TTC23: variants seen among roughly 807,000 people sequenced by gnomAD.
The protein encoded by TTC23 is tetratricopeptide repeat protein 23.
TTC23 carries 58 observed loss-of-function variants against 55.1 expected under a neutral mutation model. The ratio of observed to expected loss-of-function variants is 1.05; its 90% CI spans 0.85 to 1.31. The LOEUF is 1.31. Ranked by LOEUF, TTC23 falls within the 50% of genes most tolerant of loss-of-function variation. The pLI, the probability that TTC23 is intolerant of heterozygous loss-of-function variation, is 0.00. For missense variants in TTC23, 516 were observed against 534.4 expected, an observed-to-expected ratio of 0.97 and a Z score of 0.34; for synonymous variants, 203 against 199.9, an observed-to-expected ratio of 1.02 and a Z score of -0.13.
chr15:99,238,784 A>G (rs1050607208), intron 3 of TTC23, among the ~76,000 whole-genome samples: 1 of 152,212 alleles, frequency 6.6e-6, no homozygotes, highest in African/African-American at 2.4e-5. Context: ...CAAAAGGAGG[A>G]TTCTGTGATC....
At position 99,156,177 on chromosome 15, in the gene TTC23, G is replaced by A; in HGVS notation, c.1114C>T (p.His372Tyr). ...TTCAGTTTCTTGCGGGCCCCACTGTGGTTCCCCTGCGCCAGGTCTGCTCCT... is the reference window on the plus strand; with the variant it reads ...TTCAGTTTCTTGCGGGCCCCACTGTAGTTCCCCTGCGCCAGGTCTGCTCCT... ...LGGADLAQGN[H>Y]SGARKKLKKC... Residue 372 changes from histidine (H) to tyrosine (Y), a missense_variant, in exon 12 of 14, where the codon CAC (histidine) becomes TAC (tyrosine). Physicochemically the swap from His to Tyr is moderately conservative, Grantham distance 83. Transcript: ENST00000394132. 6.2e-7 allele frequency: 1 copy of A among 1,614,166 alleles called. No individual in the cohort carries two copies.
At chr15:99,213,872 T>C (rs1399637839) in intron 8 of TTC23, among the ~76,000 whole-genome samples, 3 of 152,266 alleles carry the variant, frequency 2.0e-5, no homozygotes, top group Admixed American at 6.5e-5. Context: ...TGTCTTTTGG[T>C]GAAAACATGC....
At chr15:99,194,036 G>C (rs1053052093) in intron 9 of TTC23, among the ~76,000 whole-genome samples, 1 of 151,888 alleles carries the variant, frequency 6.6e-6, no homozygotes, top group African/African-American at 2.4e-5. Context: ...TTTAATGTTT[G>C]AAACTTTTAC....
intron 10 of TTC23, among the ~76,000 whole-genome samples, chr15:99,165,400 G>A (rs1469346565): frequency 6.6e-6 from 1 of 152,330 alleles, no homozygotes; most frequent in Non-Finnish European, 1.5e-5. Context: ...TGTTAGAAAG[G>A]AGAGACGTAA....
intron 8 of TTC23, among the ~76,000 whole-genome samples, chr15:99,203,971 C>T (rs2076404450): frequency 6.6e-6 from 1 of 152,050 alleles, no homozygotes; most frequent in Non-Finnish European, 1.5e-5. Context: ...GCAGATATTT[C>T]TTTTGATATA....
At chr15:99,213,729 T>A (rs1307070444) in intron 8 of TTC23, among the ~76,000 whole-genome samples, 4 of 152,256 alleles carry the variant, frequency 2.6e-5, no homozygotes, top group Non-Finnish European at 5.9e-5. Flanking sequence ...TTCATGCTGT[T>A]AAGCATAGGA....
At chr15:99,147,992 T>C (rs1371573321) in intron 12 of TTC23, among the ~76,000 whole-genome samples, 5 of 152,120 alleles carry the variant, frequency 3.3e-5, no homozygotes, top group Non-Finnish European at 7.4e-5. Context: ...GCTGTGTGTA[T>C]TGGCCTGCTT....
chr15:99,236,843 T>G (rs1375349521), intron 3 of TTC23, among the ~76,000 whole-genome samples: 2 of 152,262 alleles, frequency 1.3e-5, no homozygotes, highest in African/African-American at 2.4e-5. Context: ...TGTCCTGTTT[T>G]TGCACAAAAG....
chr15:99,159,403 T>C (rs563105537), intron 11 of TTC23: 1 of 152,334 alleles, frequency 6.6e-6, no homozygotes, highest in African/African-American at 2.4e-5. Flanking sequence ...CATGAATATA[T>C]ACTTACAAAT....
intron 8 of TTC23, among the ~76,000 whole-genome samples, chr15:99,211,246 A>G (rs1027222271): frequency 6.6e-6 from 1 of 152,086 alleles, no homozygotes; most frequent in Admixed American, 6.6e-5. Flanking sequence ...GTGGTGGCAC[A>G]CATGTGTAAT....
intron 9 of TTC23, among the ~76,000 whole-genome samples, chr15:99,176,489 C>T (rs2151935181): frequency 6.6e-6 from 1 of 152,154 alleles, no homozygotes; most frequent in South Asian, 2.1e-4. Context: ...CATATGCCTG[C>T]AGTCCCAGCT....
intron 12 of TTC23, among the ~76,000 whole-genome samples, chr15:99,150,262 T>C (rs1555496176): frequency 6.6e-6 from 1 of 152,152 alleles, no homozygotes; most frequent in Non-Finnish European, 1.5e-5. Flanking sequence ...AGTCCTCTTG[T>C]CTCCATTCTT....
At chr15:99,138,742 C>T (rs2067849842) in intron 13 of TTC23, among the ~76,000 whole-genome samples, 1 of 152,256 alleles carries the variant, frequency 6.6e-6, no homozygotes, top group African/African-American at 2.4e-5. Flanking sequence ...CCTGGCTCGC[C>T]TTCCCTGCCC....
intron 10 of TTC23, among the ~76,000 whole-genome samples, chr15:99,172,035 G>T (rs1232063490): frequency 2.4e-3 from 318 of 133,986 alleles, no homozygotes; most frequent in Middle Eastern, 0.012. Context: ...TTTTTTTTTT[G>T]GAGACAGAGT....
intron 8 of TTC23, among the ~76,000 whole-genome samples, chr15:99,201,569 G>A (rs1049570861): frequency 6.6e-6 from 1 of 152,126 alleles, no homozygotes; most frequent in Non-Finnish European, 1.5e-5. Context: ...GATACTTTTC[G>A]GATCTGTGGT....
chr15:99,246,853 G>A (rs528531489), intron 1 of TTC23, among the ~76,000 whole-genome samples: 1 of 152,132 alleles, frequency 6.6e-6, no homozygotes, highest in African/African-American at 2.4e-5. Flanking sequence ...CCGGAAGGTG[G>A]ACATTGCAGT....
intron 9 of TTC23, among the ~76,000 whole-genome samples, chr15:99,186,091 G>C (rs990627577): frequency 1.3e-5 from 2 of 152,164 alleles, no homozygotes; most frequent in Admixed American, 6.5e-5. Flanking sequence ...TGTATCTTAG[G>C]TAAATCTCCT....
intron 9 of TTC23, among the ~76,000 whole-genome samples, chr15:99,176,209 G>A (rs2073531646): frequency 1.3e-5 from 2 of 152,214 alleles, no homozygotes. Flanking sequence ...GGGCTAGAAA[G>A]TGTGTGCAGT....
chr15:99,214,993 T>C (rs1436473787), intron 8 of TTC23, among the ~76,000 whole-genome samples: 1 of 151,616 alleles, frequency 6.6e-6, no homozygotes, highest in East Asian at 2.0e-4. Flanking sequence ...GTAGCTGGGA[T>C]TACAGGTGCC....
Sources: gnomAD v4.1 joint callset for allele counts (sites outside exome capture counted in the v4.1 genomes callset) on GRCh38, gnomAD v4.1.1 for gene constraint, MANE v1.5 for transcripts, NCBI Gene and HGNC (gene_info 2026-07-23, HGNC 2026-07-21) for gene names.